The following AHR variants were observed in gnomAD, a reference collection of about 807,000 sequenced individuals.
The protein encoded by AHR is AH-receptor.
AHR carries 40 observed loss-of-function variants against 86.8 expected under a neutral mutation model. That is an observed-to-expected ratio of 0.46 (90% CI 0.36 to 0.60). AHR has a LOEUF of 0.60. AHR is among the 20% of genes least tolerant of loss of function. The pLI is 0.00. For missense variants in AHR, 1,001 were observed against 1,011.6 expected, an observed-to-expected ratio of 0.99 and a Z score of 0.14; for synonymous variants, 398 against 354.9, an observed-to-expected ratio of 1.12 and a Z score of -1.37.
At chr7:17,307,461 AAACC>A (rs1229164086) in intron 1 of AHR, among the ~76,000 whole-genome samples, 1 of 152,190 alleles carries the variant, frequency 6.6e-6, no homozygotes, top group East Asian at 1.9e-4. Context: ...CGGGGACTTG[AAACC>A]AATGGGACAT....
intron 10 of AHR, 145 bp downstream of exon 10, chr7:17,340,373 C>CTT (rs943034312): frequency 2.3e-4 from 210 of 904,790 alleles, no homozygotes; most frequent in South Asian, 4.1e-4. Context: ...CTGTGACTAC[C>CTT]TTTTTTTTTT....
chr7:17,305,833 C>T (rs74562098), intron 1 of AHR, among the ~76,000 whole-genome samples: 2 of 152,022 alleles, frequency 1.3e-5, no homozygotes, highest in Non-Finnish European at 2.9e-5. Flanking sequence ...AATGATGAAC[C>T]TCATAGACTT....
chr7:17,325,142 C>G (rs572882268), intron 3 of AHR, among the ~76,000 whole-genome samples: 76 of 152,214 alleles, frequency 5.0e-4, no homozygotes, highest in Middle Eastern at 6.8e-3. Flanking sequence ...CATATTAATT[C>G]CTTCTGTTAA....
chr7:17,334,063 T>C lies in AHR; in HGVS notation c.857T>C (p.Ile286Thr). 6.2e-7 allele frequency: 1 copy of C among 1,613,544 alleles called. No individual in the cohort carries two copies. Among genetic ancestry groups the C allele is most frequent in the Non-Finnish European group, 8.5e-7 (1 of 1,179,534 alleles). ...SILEIRTKNF[I>T]FRTKHKLDFT... ...CTTGAAATCCGGACCAAAAATTTTATCTTTAGAACCAAACACAAACTAGAC... is the reference window on the plus strand; with the variant it reads ...CTTGAAATCCGGACCAAAAATTTTACCTTTAGAACCAAACACAAACTAGAC... The change falls in exon 7 of 11, where the codon ATC becomes ACC. Residue 286 changes from isoleucine to threonine, a missense_variant. By Grantham distance (89) the Ile-to-Thr change is moderately conservative. Transcript: ENST00000242057.
intron 3 of AHR, among the ~76,000 whole-genome samples, chr7:17,324,859 A>G (rs766992783): frequency 2.6e-5 from 4 of 152,230 alleles, no homozygotes; most frequent in Non-Finnish European, 5.9e-5. Context: ...GCTTCAATTT[A>G]TTACTATTTT....
intron 2 of AHR, among the ~76,000 whole-genome samples, chr7:17,319,211 C>T (rs1343065505): frequency 6.6e-6 from 1 of 152,124 alleles, no homozygotes; most frequent in East Asian, 1.9e-4. Flanking sequence ...TGTATAAAGT[C>T]AGCATAGACT....
chr7:17,312,423 A>G (rs1782075095), intron 2 of AHR, among the ~76,000 whole-genome samples: 1 of 152,224 alleles, frequency 6.6e-6, no homozygotes, highest in African/African-American at 2.4e-5. Flanking sequence ...GTGTATCTAG[A>G]CAGATACATA....
chr7:17,335,807 C>T (rs752627751), intron 9 of AHR, 21 bp downstream of exon 9: 4 of 1,603,146 alleles, frequency 2.5e-6, no homozygotes, highest in Non-Finnish European at 3.4e-6. Context: ...ATAATGTTTC[C>T]TGTTTTAACA....
intron 9 of AHR, among the ~76,000 whole-genome samples, chr7:17,338,023 C>A (rs979413555): frequency 4.6e-5 from 7 of 150,948 alleles, no homozygotes; most frequent in African/African-American, 1.5e-4. Flanking sequence ...CACGGTGAAA[C>A]CCCGTCTCTA....
intron 1 of AHR, among the ~76,000 whole-genome samples, chr7:17,299,598 T>G (rs1781933885): frequency 6.6e-6 from 1 of 152,250 alleles, no homozygotes; most frequent in South Asian, 2.1e-4. Context: ...TGCAACTTTG[T>G]TCTTTCTGAT....
chr7:17,306,028 G>A (rs1782002067), intron 1 of AHR, among the ~76,000 whole-genome samples: 1 of 152,026 alleles, frequency 6.6e-6, no homozygotes, highest in African/African-American at 2.4e-5. Flanking sequence ...TTGAGGTAAA[G>A]GTTTCAAAAA....
chr7:17,310,837 A>C (rs886126250), intron 2 of AHR, among the ~76,000 whole-genome samples: 1 of 152,112 alleles, frequency 6.6e-6, no homozygotes, highest in Non-Finnish European at 1.5e-5. Flanking sequence ...CGCCTGGCCT[A>C]TTTCTAATAT....
chr7:17,309,201 G>T (rs946743264), intron 1 of AHR, among the ~76,000 whole-genome samples: 1 of 152,074 alleles, frequency 6.6e-6, no homozygotes, highest in Non-Finnish European at 1.5e-5. Context: ...TTAGGGTTCC[G>T]TTGAACTTTC....
At chr7:17,307,805 A>G (rs148764643) in intron 1 of AHR, among the ~76,000 whole-genome samples, 46 of 152,200 alleles carry the variant, frequency 3.0e-4, no homozygotes, top group African/African-American at 1.1e-3. Flanking sequence ...ACACAGGCTG[A>G]TCTTGTAAAT....
At chr7:17,331,649 A>AT (rs1457061107) in intron 6 of AHR, among the ~76,000 whole-genome samples, 4 of 151,930 alleles carry the variant, frequency 2.6e-5, no homozygotes, top group African/African-American at 9.7e-5. Context: ...AAACGATTGT[A>AT]TATTCATGAT....
At position 17,337,560 on chromosome 7, in the gene AHR, C is replaced by G. The variant is rs530364236; in HGVS notation, c.1161-1426C>G. On this transcript the variant is annotated intron_variant, in intron 9 of 10. Coordinates refer to ENST00000242057, the MANE Select transcript of AHR (RefSeq NM_001621.5). ...CGGGATCTCGGCTCACTGCAAGCTC[C>G]GCCACCCGGGTTCACGCCATTCTCC... 2.8e-3 allele frequency among the ~76,000 whole-genome samples: 422 copies of G among 150,326 alleles called. 5 individuals carry two copies. The highest frequency in any genetic ancestry group is 9.7e-3 in the African/African-American group (398 of 41,062).
In AHR at chr7:17,339,803, G is replaced by C. The variant is rs146989897; in HGVS notation, c.1978G>C (p.Val660Leu). Residue 660 changes from valine (V) to leucine (L), a missense_variant, in exon 10 of 11, where the codon GTG becomes CTG. Coordinates refer to ENST00000242057, the MANE Select transcript of AHR (RefSeq NM_001621.5). ...TGAAAATTGGAACTCTAACCAATTCGTGCCTTTCAATTGTCCACAGCAAGA... is the reference window on the plus strand; with the variant it reads ...TGAAAATTGGAACTCTAACCAATTCCTGCCTTTCAATTGTCCACAGCAAGA... ...MFENWNSNQFVPFNCPQQDPQ... is the reference protein window; with the variant it reads ...MFENWNSNQFLPFNCPQQDPQ... 2 of 1,614,164 alleles carry C rather than the reference G, an allele frequency of 1.2e-6. No homozygotes were observed. Among genetic ancestry groups the C allele is most frequent in the East Asian group, 4.5e-5 (2 of 44,886 alleles).
At chr7:17,311,590 GT>G (rs573976314) in intron 2 of AHR, among the ~76,000 whole-genome samples, 1 of 152,132 alleles carries the variant, frequency 6.6e-6, no homozygotes, top group Non-Finnish European at 1.5e-5. Context: ...AAGCTATTTA[GT>G]TTAACAGTTG....
At chr7:17,336,077 A>T (rs1782352139) in intron 9 of AHR, 1 of 246,826 alleles carries the variant, frequency 4.1e-6, no homozygotes, top group Non-Finnish European at 7.6e-6. Flanking sequence ...GAAGAAAAAT[A>T]TAACAATGCT....
Sources: allele counts gnomAD v4.1 joint callset (sites outside exome capture counted in the v4.1 genomes callset), GRCh38; gene constraint gnomAD v4.1.1; transcripts MANE v1.5; gene names NCBI Gene and HGNC (gene_info 2026-07-23, HGNC 2026-07-21).